Variants in CNKSR2 observed in about 807,000 individuals in gnomAD.
CNKSR2 encodes the protein connector enhancer of kinase suppressor of Ras 2.
A neutral mutation model predicts 84.4 loss-of-function variants in CNKSR2; 14 were observed. The ratio of observed to expected loss-of-function variants is 0.17; its 90% CI spans 0.11 to 0.26. The LOEUF is 0.26. CNKSR2 is among the 10% of genes least tolerant of loss of function. CNKSR2 has a pLI of 1.00. For synonymous variants in CNKSR2, 275 were observed against 277.9 expected (o/e 0.99, Z 0.10); for missense variants, 485 against 771.2 (o/e 0.63, Z 4.40).
At chrX:21,575,035 C>T (rs1223146152) in intron 13 of CNKSR2, among the ~76,000 whole-genome samples, 6 of 110,806 alleles carry the variant, frequency 5.4e-5, no homozygotes, top group Non-Finnish European at 9.4e-5. Context: ...ACAGAGTAAT[C>T]GTCTATTGGT....
At chrX:21,551,030 C>CAA (rs201507178) in intron 11 of CNKSR2, among the ~76,000 whole-genome samples, 2 of 77,810 alleles carry the variant, frequency 2.6e-5, no homozygotes, top group Non-Finnish European at 5.1e-5. Flanking sequence ...GACTCCATCT[C>CAA]AAAAAAAAAA....
chrX:21,518,090 A>G (rs1046428209), intron 9 of CNKSR2, among the ~76,000 whole-genome samples: 1 of 111,993 alleles, frequency 8.9e-6, no homozygotes, highest in Non-Finnish European at 1.9e-5. Context: ...TTTGACTTGC[A>G]TATATGTTTA....
chrX:21,414,961 G>A (rs1473163778), intron 1 of CNKSR2, among the ~76,000 whole-genome samples: 2 of 111,383 alleles, frequency 1.8e-5, no homozygotes, highest in Non-Finnish European at 3.8e-5. Flanking sequence ...TACCTCAGTA[G>A]TATAATTTGA....
chrX:21,588,360 A>C (rs1011928438), intron 13 of CNKSR2, among the ~76,000 whole-genome samples: 12 of 112,618 alleles, frequency 1.1e-4, no homozygotes, highest in African/African-American at 3.9e-4. Flanking sequence ...TTTTCTGCAC[A>C]GAGACCTAAC....
intron 7 of CNKSR2, among the ~76,000 whole-genome samples, chrX:21,499,160 G>A (rs2091533352): frequency 8.9e-6 from 1 of 111,816 alleles, no homozygotes; most frequent in Admixed American, 9.5e-5. Context: ...ATGCAGTTAA[G>A]ATGCTACAAA....
chrX:21,385,716 G>A (rs1435367250), intron 1 of CNKSR2, among the ~76,000 whole-genome samples: 1 of 111,610 alleles, frequency 9.0e-6, no homozygotes, highest in Non-Finnish European at 1.9e-5. Context: ...TGCTTTTCTA[G>A]CAGAGGTAGA....
At chrX:21,433,923 C>T (rs1282024829) in intron 3 of CNKSR2, among the ~76,000 whole-genome samples, 1 of 110,406 alleles carries the variant, frequency 9.1e-6, no homozygotes, top group Non-Finnish European at 1.9e-5. Context: ...GTTTATTTTG[C>T]ATTATAACAT....
intron 13 of CNKSR2, among the ~76,000 whole-genome samples, chrX:21,563,908 G>A (rs2092215419): frequency 9.0e-6 from 1 of 111,123 alleles, no homozygotes. Flanking sequence ...GACATGCTGA[G>A]AGTCCCAGTA....
chrX:21,436,385 T>G (rs950560803), intron 3 of CNKSR2, among the ~76,000 whole-genome samples: 1 of 111,814 alleles, frequency 8.9e-6, no homozygotes, highest in Non-Finnish European at 1.9e-5. Context: ...TGTAATACTT[T>G]TGTTTAGATA....
intron 1 of CNKSR2, among the ~76,000 whole-genome samples, chrX:21,396,654 C>T (rs1158491413): frequency 2.7e-5 from 3 of 111,721 alleles, no homozygotes; most frequent in Non-Finnish European, 3.8e-5. Context: ...TACACTGACA[C>T]TCTTGTTCTC....
At chrX:21,555,446 T>C (rs894032419) in intron 11 of CNKSR2, among the ~76,000 whole-genome samples, 1 of 111,628 alleles carries the variant, frequency 9.0e-6, no homozygotes, top group African/African-American at 3.2e-5. Context: ...GATCCAGATA[T>C]GTTACCATTA....
In CNKSR2 at chrX:21,478,824, A is replaced by G. The variant is rs181033846; in HGVS notation, c.561+8017A>G. On this transcript the variant is annotated intron_variant, in intron 5 of 21. Transcript: ENST00000379510. ...TCTTAGATGACAAATTCACAAGATC[A>G]TTAGAAAGCAGTATGGCCACATAAA... Among the ~76,000 whole-genome samples the G allele has an allele frequency of 1.1e-4, 12 of 112,146 alleles. No individual in the cohort carries two copies. In the East Asian group the frequency reaches 3.4e-3, roughly 31 times the overall value.
chrX:21,644,150 C>G (rs1000668691), intron 20 of CNKSR2: 2 of 111,896 alleles, frequency 1.8e-5, no homozygotes, highest in Middle Eastern at 4.6e-3. Flanking sequence ...TTAAAGCACT[C>G]TGCAGCTGTA....
intron 5 of CNKSR2, among the ~76,000 whole-genome samples, chrX:21,480,382 T>C (rs1468524849): frequency 8.9e-6 from 1 of 112,304 alleles, no homozygotes; most frequent in African/African-American, 3.2e-5. Flanking sequence ...GCTTCACTCT[T>C]GCTATTTGAA....
chrX:21,547,940 G>A (rs1357596409), intron 11 of CNKSR2, among the ~76,000 whole-genome samples: 4 of 111,871 alleles, frequency 3.6e-5, no homozygotes, highest in African/African-American at 6.5e-5. Flanking sequence ...TGTGTAGAGG[G>A]AAATTTATAG....
chrX:21,643,731 C>G (rs896386915), intron 20 of CNKSR2: 38 of 111,085 alleles, frequency 3.4e-4, no homozygotes, highest in African/African-American at 1.2e-3. Context: ...TAACTTACCC[C>G]TAAATATGAA....
chrX:21,633,058 C>G (rs749249618), intron 20 of CNKSR2, among the ~76,000 whole-genome samples: 1 of 110,205 alleles, frequency 9.1e-6, no homozygotes, highest in African/African-American at 3.3e-5. Context: ...GGTCAAAGTT[C>G]CACAGAGTTC....
intron 7 of CNKSR2, among the ~76,000 whole-genome samples, chrX:21,501,257 C>A (rs1262073178): frequency 1.8e-5 from 2 of 110,290 alleles, no homozygotes; most frequent in Non-Finnish European, 3.8e-5. Context: ...TATTATTTTG[C>A]ATTTCTGTTT....
chrX:21,601,362 T>A lies in CNKSR2; in HGVS notation c.2044+13T>A, dbSNP rs779146963. On this transcript the variant is annotated intron_variant, in intron 18 of 21. Coordinates refer to ENST00000379510, the MANE Select transcript of CNKSR2 (RefSeq NM_014927.5). ...AAGCAGGAACAAGGTAAAGGAATAC[T>A]TTTTTAAAATAATTATGTTATACTT... 3.6e-5 allele frequency: 37 copies of A among 1,028,674 alleles called. No homozygotes were observed. The highest frequency in any genetic ancestry group is 1.7e-4 in the African/African-American group (9 of 53,324). 84.8% of individuals were successfully genotyped at this position (1,028,674 alleles called of 1,213,427 possible). A position where few individuals can be genotyped will look rare whatever the true frequency, so the allele number is the denominator to read the frequency against.
Sources: gnomAD v4.1 joint callset for allele counts (sites outside exome capture counted in the v4.1 genomes callset) on GRCh38, gnomAD v4.1.1 for gene constraint, MANE v1.5 for transcripts, NCBI Gene and HGNC (gene_info 2026-07-23, HGNC 2026-07-21) for gene names.